The following NEO1 variants were observed in gnomAD, a reference collection of about 807,000 sequenced individuals.
NEO1 encodes the protein neogenin.
In NEO1, 63 loss-of-function variants were observed where a neutral mutation model predicts 159.7. The observed-to-expected ratio is 0.39, with a 90% CI of 0.32 to 0.49. The LOEUF is 0.49. Ranked by LOEUF, NEO1 falls within the 20% of genes least tolerant of loss-of-function variation. NEO1 has a pLI of 0.85. For missense variants in NEO1, 1,615 were observed against 1,831.0 expected (o/e 0.88, Z 2.15); for synonymous variants, 633 against 662.0 (o/e 0.96, Z 0.67).
At chr15:73,235,957 A>G (rs77305027) in intron 7 of NEO1, among the ~76,000 whole-genome samples, 1,699 of 152,314 alleles carry the variant, frequency 0.011, 21 homozygotes, top group East Asian at 0.05. Context: ...TTTCAGGATT[A>G]AGAAAATTAC....
Position 73,201,912 on chromosome 15 carries a change from A to G in NEO1, c.1291+23485A>G, listed in dbSNP as rs113684801. Among the ~76,000 whole-genome samples the G allele has an allele frequency of 1.6e-3, 238 of 146,820 alleles. 1 individual carries two copies. The highest frequency in any genetic ancestry group is 4.9e-3 in the African/African-American group (194 of 39,676). ...ATCAATATAACAATGTAATAAAGGT[A>G]TTCCATCTTTCTTTTGATTAATTAT... On this transcript the variant is annotated intron_variant, in intron 7 of 28. Coordinates refer to ENST00000261908, the MANE Select transcript of NEO1 (RefSeq NM_002499.4).
chr15:73,302,489 G>C, intron 28 of NEO1, 124 bp from the exon 29 acceptor site: 1 of 787,140 alleles, frequency 1.3e-6, no homozygotes, highest in Admixed American at 2.3e-5. Flanking sequence ...CACCCTGCGT[G>C]TTAGTAGCCA....
Position 73,146,923 on chromosome 15 carries a change from C to T in NEO1, c.1015+10896C>T, listed in dbSNP as rs193176117. 1.1e-3 allele frequency among the ~76,000 whole-genome samples: 167 copies of T among 152,066 alleles called. 3 individuals carry two copies. Among genetic ancestry groups the T allele is most frequent in the Middle Eastern group, 0.01 (3 of 294 alleles). On this transcript the variant is annotated intron_variant, in intron 5 of 28. Transcript: ENST00000261908. ...TTGTGATTTTTGTTACTAAAATGAC[C>T]CCAATGAGGAAGCTTTGTGGGACAA...
At chr15:73,131,056 C>T (rs55925663) in intron 4 of NEO1, among the ~76,000 whole-genome samples, 45,033 of 151,860 alleles carry the variant, frequency 0.3, 8,253 homozygotes, top group Admixed American at 0.44. Flanking sequence ...TGAGACAGCA[C>T]CCCCCCACAC....
chr15:73,171,103 A>G (rs963550313), intron 5 of NEO1, among the ~76,000 whole-genome samples: 2 of 152,192 alleles, frequency 1.3e-5, no homozygotes, highest in African/African-American at 4.8e-5. Context: ...GTGGTCAGCA[A>G]AAGACAGATT....
At chr15:73,100,175 C>T (rs1291209319) in intron 1 of NEO1, among the ~76,000 whole-genome samples, 2 of 152,148 alleles carry the variant, frequency 1.3e-5, no homozygotes, top group Non-Finnish European at 2.9e-5. Flanking sequence ...ATCGCTTTGT[C>T]ATCACTCAGG....
At chr15:73,210,293 T>C (rs2037486603) in intron 7 of NEO1, among the ~76,000 whole-genome samples, 2 of 152,220 alleles carry the variant, frequency 1.3e-5, no homozygotes, top group Admixed American at 6.5e-5. Context: ...AGCCTAGTCA[T>C]TTCTGCATTT....
At chr15:73,138,113 A>G (rs182387326) in intron 5 of NEO1, among the ~76,000 whole-genome samples, 1 of 152,330 alleles carries the variant, frequency 6.6e-6, no homozygotes, top group African/African-American at 2.4e-5. Context: ...ATTTACAGTA[A>G]CATACAATAA....
chr15:73,090,948 C>A (rs1367406873), intron 1 of NEO1, among the ~76,000 whole-genome samples: 5 of 152,056 alleles, frequency 3.3e-5, no homozygotes, highest in Admixed American at 1.3e-4. Flanking sequence ...CTCCCAATTG[C>A]GTTATTGAGG....
chr15:73,084,463 A>T (rs918719067), intron 1 of NEO1, among the ~76,000 whole-genome samples: 5 of 152,160 alleles, frequency 3.3e-5, no homozygotes, highest in African/African-American at 1.2e-4. Flanking sequence ...CTTTATTGTC[A>T]CAAATGGGAA....
At chr15:73,125,939 C>G (rs1475100751) in intron 3 of NEO1, among the ~76,000 whole-genome samples, 1 of 152,172 alleles carries the variant, frequency 6.6e-6, no homozygotes, top group Non-Finnish European at 1.5e-5. Flanking sequence ...TGCTCAGTCT[C>G]CACTGTTTGT....
chr15:73,073,553 A>G (rs1344156467), intron 1 of NEO1, among the ~76,000 whole-genome samples: 1 of 152,144 alleles, frequency 6.6e-6, no homozygotes, highest in Non-Finnish European at 1.5e-5. Context: ...TGACAGTGTA[A>G]GTTTCCTGGG....
At chr15:73,176,628 A>G (rs2035292869) in intron 6 of NEO1, 71 bp downstream of exon 6, 1 of 1,221,004 alleles carries the variant, frequency 8.2e-7, no homozygotes, top group Non-Finnish European at 1.1e-6. Flanking sequence ...TCACCGAGAG[A>G]TCAGTTATCT....
At chr15:73,262,805 A>C (rs1167217439) in intron 15 of NEO1, among the ~76,000 whole-genome samples, 1 of 152,240 alleles carries the variant, frequency 6.6e-6, no homozygotes, top group Non-Finnish European at 1.5e-5. Flanking sequence ...TTTATGAACA[A>C]GGGGAAATAA....
intron 1 of NEO1, among the ~76,000 whole-genome samples, chr15:73,086,143 A>G (rs772484393): frequency 1.3e-5 from 2 of 152,080 alleles, no homozygotes; most frequent in Non-Finnish European, 2.9e-5. Flanking sequence ...TCTTTTGCAT[A>G]TGGATATCCA....
intron 1 of NEO1, among the ~76,000 whole-genome samples, chr15:73,111,326 A>G (rs560009729): frequency 2.0e-5 from 3 of 152,324 alleles, no homozygotes; most frequent in East Asian, 1.9e-4. Flanking sequence ...TCAGCATACA[A>G]ATGTACCCCA....
chr15:73,092,690 G>T (rs1313063768), intron 1 of NEO1, among the ~76,000 whole-genome samples: 2 of 152,052 alleles, frequency 1.3e-5, no homozygotes, highest in African/African-American at 4.8e-5. Context: ...CCCAGCTTTA[G>T]AATTTTAAAT....
At chr15:73,134,944 G>A (rs34160980) in intron 4 of NEO1, among the ~76,000 whole-genome samples, 13,240 of 152,196 alleles carry the variant, frequency 0.087, 670 homozygotes, top group South Asian at 0.11. Flanking sequence ...AACCAGTTTA[G>A]ATGTGGAACT....
At chr15:73,104,421 A>T (rs189227894) in intron 1 of NEO1, among the ~76,000 whole-genome samples, 137 of 152,358 alleles carry the variant, frequency 9.0e-4, no homozygotes, top group African/African-American at 3.1e-3. Context: ...GTGGAGGTGT[A>T]CTTTAGAAAT....
Sources: allele counts gnomAD v4.1 joint callset (sites outside exome capture counted in the v4.1 genomes callset), GRCh38; gene constraint gnomAD v4.1.1; transcripts MANE v1.5; gene names NCBI Gene and HGNC (gene_info 2026-07-23, HGNC 2026-07-21).